MDFIC: variants seen among roughly 807,000 people sequenced by gnomAD.
The protein encoded by MDFIC is MyoD family inhibitor domain containing, also known as myoD family inhibitor domain-containing protein.
In MDFIC, 17 loss-of-function variants were observed where a neutral mutation model predicts 23.2. The ratio of observed to expected loss-of-function variants is 0.73; its 90% CI spans 0.50 to 1.10. The LOEUF (loss-of-function observed/expected upper bound fraction) is 1.10. Ranked by LOEUF, MDFIC falls within the 50% of genes least tolerant of loss-of-function variation. The pLI, the probability that MDFIC is intolerant of heterozygous loss-of-function variation, is 0.00. For synonymous variants in MDFIC, 120 were observed against 115.2 expected (o/e 1.04, Z -0.27); for missense variants, 356 against 316.6 (o/e 1.12, Z -0.95).
chr7:114,938,113 T>C (rs1445556470), intron 2 of MDFIC, among the ~76,000 whole-genome samples: 2 of 152,096 alleles, frequency 1.3e-5, no homozygotes, highest in African/African-American at 4.8e-5. Context: ...TGTGCCACCA[T>C]GCCCAGATAA....
intron 3 of MDFIC, among the ~76,000 whole-genome samples, chr7:114,970,129 G>T (rs966554435): frequency 1.3e-5 from 2 of 152,138 alleles, no homozygotes; most frequent in Non-Finnish European, 2.9e-5. Flanking sequence ...CCTGACCTTG[G>T]TCTGGGTTCT....
intron 4 of MDFIC, among the ~76,000 whole-genome samples, chr7:114,982,602 G>A (rs2115977697): frequency 6.6e-6 from 1 of 152,278 alleles, no homozygotes; most frequent in East Asian, 1.9e-4. Flanking sequence ...GGCTGAGGTG[G>A]GAGGACCATC....
At chr7:114,995,242 A>T (rs1027953706) in intron 4 of MDFIC, among the ~76,000 whole-genome samples, 1 of 152,052 alleles carries the variant, frequency 6.6e-6, no homozygotes, top group Non-Finnish European at 1.5e-5. Context: ...CTAGTTAGCC[A>T]TTTGTCTAAT....
At position 114,922,583 on chromosome 7, in the gene MDFIC, A is replaced by AGAGGAG. The variant is rs745543242; in HGVS notation, c.-146_-141dup. 2.2e-5 allele frequency: 28 copies of AGAGGAG among 1,266,942 alleles called. No homozygotes were observed. The African/African-American group carries it at 2.6e-4, about 12-fold the overall frequency. The allele number at this position is 1,266,942 out of a possible 1,614,324, so 78.5% of individuals were successfully genotyped here. ...AGGCTCGCTAACTTTCCGGGGCGGA[A>AGAGGAG]GAGGAGGAGGAGGAGGAGGAAGGGG... is the stretch of plus-strand genomic sequence containing the variant. On this transcript the variant is annotated 5_prime_UTR_variant, in exon 1 of 5. Coordinates refer to ENST00000393486, the MANE Select transcript of MDFIC (RefSeq NM_001166345.3).
chr7:114,986,607 G>A (rs1039600296), intron 4 of MDFIC, among the ~76,000 whole-genome samples: 82 of 152,160 alleles, frequency 5.4e-4, no homozygotes, highest in African/African-American at 1.9e-3. Context: ...GCATAGACAT[G>A]TCTGTACACA....
intron 2 of MDFIC, among the ~76,000 whole-genome samples, chr7:114,930,794 A>T (rs746168799): frequency 1.6e-4 from 25 of 152,268 alleles, no homozygotes; most frequent in Non-Finnish European, 2.9e-4. Flanking sequence ...AAATTCAACC[A>T]GATTATCTTT....
At chr7:115,001,394 A>C (rs1331201174) in intron 4 of MDFIC, among the ~76,000 whole-genome samples, 1 of 152,226 alleles carries the variant, frequency 6.6e-6, no homozygotes, top group African/African-American at 2.4e-5. Flanking sequence ...CCATAACATA[A>C]CATAATTTGA....
intron 4 of MDFIC, among the ~76,000 whole-genome samples, chr7:115,004,830 A>G (rs1442409924): frequency 6.6e-6 from 1 of 152,048 alleles, no homozygotes; most frequent in East Asian, 1.9e-4. Context: ...TACACAGTTT[A>G]CACTTTGACC....
At chr7:114,967,241 C>A (rs1793116077) in intron 3 of MDFIC, among the ~76,000 whole-genome samples, 1 of 152,154 alleles carries the variant, frequency 6.6e-6, no homozygotes, top group African/African-American at 2.4e-5. Flanking sequence ...GTTCCCCTTG[C>A]AAGTGATTGG....
In MDFIC at chr7:115,017,657, C is replaced by G. The variant is rs1006613307; in HGVS notation, c.*1722C>G. The G allele has an allele frequency of 2.0e-5, 3 of 152,222 alleles. No individual in the cohort carries two copies. The highest frequency in any genetic ancestry group is 4.4e-5 in the Non-Finnish European group (3 of 67,880). 9.4% of individuals were successfully genotyped at this position (152,222 alleles called of 1,614,324 possible). On this transcript the variant is annotated 3_prime_UTR_variant, in exon 5 of 5. Transcript: ENST00000393486. ...AGAGTAATTGTATAGTTATTGAGAC[C>G]TATAGTGTGTGGCTTAGATGAAAGG...
At chr7:115,003,970 T>C (rs1292768855) in intron 4 of MDFIC, among the ~76,000 whole-genome samples, 1 of 152,202 alleles carries the variant, frequency 6.6e-6, no homozygotes, top group Non-Finnish European at 1.5e-5. Context: ...AAGAGTTTAG[T>C]GAGTAAATAT....
At chr7:114,986,779 G>A (rs1793522700) in intron 4 of MDFIC, among the ~76,000 whole-genome samples, 2 of 151,954 alleles carry the variant, frequency 1.3e-5, no homozygotes, top group African/African-American at 2.4e-5. Context: ...CCCCTTTTTT[G>A]GGTCTCCCAC....
At chr7:114,983,590 T>C (rs1793455513) in intron 4 of MDFIC, among the ~76,000 whole-genome samples, 1 of 91,274 alleles carries the variant, frequency 1.1e-5, no homozygotes, top group Non-Finnish European at 2.2e-5. Flanking sequence ...TTTTTTGAGG[T>C]CGTGTCTCAC....
intron 2 of MDFIC, among the ~76,000 whole-genome samples, chr7:114,928,878 G>A (rs1020990498): frequency 6.6e-6 from 1 of 152,082 alleles, no homozygotes; most frequent in East Asian, 1.9e-4. Flanking sequence ...TAAAATTGAG[G>A]AAATTGATTT....
intron 2 of MDFIC, 106 bp downstream of exon 2, chr7:114,923,233 C>T (rs1792127696): frequency 2.1e-6 from 3 of 1,404,670 alleles, no homozygotes; most frequent in Non-Finnish European, 2.9e-6. Context: ...AGGAGGGGCT[C>T]CCACTCGTAG....
At chr7:114,951,517 A>T (rs1792769986) in intron 3 of MDFIC, among the ~76,000 whole-genome samples, 1 of 152,228 alleles carries the variant, frequency 6.6e-6, no homozygotes, top group African/African-American at 2.4e-5. Flanking sequence ...ATATCAAATT[A>T]TACATGTGTG....
intron 3 of MDFIC, among the ~76,000 whole-genome samples, chr7:114,948,032 T>C (rs1457009428): frequency 6.6e-6 from 1 of 152,212 alleles, no homozygotes; most frequent in Non-Finnish European, 1.5e-5. Context: ...TCTGAGACCT[T>C]TGATATTGTC....
chr7:114,949,316 C>T (rs1381312175), intron 3 of MDFIC, among the ~76,000 whole-genome samples: 3 of 152,074 alleles, frequency 2.0e-5, no homozygotes, highest in Non-Finnish European at 4.4e-5. Flanking sequence ...TATTCCTCTC[C>T]TATTGGAGAG....
Position 114,942,311 on chromosome 7 carries a change from C to A in MDFIC, c.131C>A (p.Thr44Asn). ...CDKDNTEKDI[T>N]QATNSHFTHG... ...AAAGACAATACTGAGAAAGATATAA[C>A]TCAAGCTACCAATAGCCACTTCACA... The change falls in exon 3 of 5, where the codon ACT becomes AAT. Residue 44 changes from threonine (T) to asparagine (N), a missense_variant. Thr to Asn is a moderately conservative substitution (Grantham distance 65). Coordinates refer to ENST00000393486, the MANE Select transcript of MDFIC (RefSeq NM_001166345.3). 6.3e-7 allele frequency: 1 copy of A among 1,580,686 alleles called. No homozygotes were observed. The highest frequency in any genetic ancestry group is 2.3e-5 in the East Asian group (1 of 44,270).
Sources: allele counts gnomAD v4.1 joint callset (sites outside exome capture counted in the v4.1 genomes callset), GRCh38; gene constraint gnomAD v4.1.1; transcripts MANE v1.5; gene names NCBI Gene and HGNC (gene_info 2026-07-23, HGNC 2026-07-21).